Variants in RADX observed in about 807,000 individuals in gnomAD.
The protein encoded by RADX is RPA-related protein RADX.
In RADX, 36 loss-of-function variants were observed where a neutral mutation model predicts 61.6. The observed-to-expected ratio is 0.58, with a 90% confidence interval of 0.45 to 0.77. The LOEUF (loss-of-function observed/expected upper bound fraction) is 0.77, where lower values mean the gene tolerates loss of function less well. RADX is among the 30% of genes least tolerant of loss of function. The probability of loss-of-function intolerance (pLI) is 0.00; values close to 1 mark genes in which losing one functional copy is unlikely to be tolerated. For synonymous variants in RADX, 272 were observed against 237.9 expected (o/e 1.14, Z -1.32); for missense variants, 497 against 651.1 (o/e 0.76, Z 2.58).
intron 11 of RADX, among the ~76,000 whole-genome samples, chrX:106,649,948 A>T (rs1927754637): frequency 9.0e-6 from 1 of 111,669 alleles, no homozygotes; most frequent in Admixed American, 9.5e-5. Flanking sequence ...TAAATTTACT[A>T]GTGAGTAGGA....
rs749955891 is a variant in RADX at position 106,633,104 on chromosome X, T to A, written c.1181-26T>A. The A allele has an allele frequency of 1.9e-5, 22 of 1,184,934 alleles. No individual in the cohort carries two copies. The East Asian group carries it at 6.5e-4, about 35-fold the overall frequency. ...CATATGTATATAACAGTTACCTTCA[T>A]TTATTTTAATATTCTATCCATATAG... is the stretch of plus-strand genomic sequence containing the variant. On this transcript the variant is annotated intron_variant, in intron 5 of 13. Transcript: ENST00000372548.
chrX:106,674,717 T>G (rs1429820717), intron 13 of RADX, among the ~76,000 whole-genome samples: 1 of 111,941 alleles, frequency 8.9e-6, no homozygotes, highest in East Asian at 2.8e-4. Flanking sequence ...AATTTATTTT[T>G]GTGTAAAGAA....
chrX:106,640,781 C>T, intron 10 of RADX, 60 bp downstream of exon 10: 2 of 803,061 alleles, frequency 2.5e-6, no homozygotes, highest in South Asian at 3.9e-5. Flanking sequence ...TATCTCTACC[C>T]TGTAAAATAA....
intron 6 of RADX, among the ~76,000 whole-genome samples, chrX:106,634,320 G>A (rs1420252055): frequency 2.7e-5 from 3 of 110,952 alleles, no homozygotes; most frequent in Non-Finnish European, 5.7e-5. Flanking sequence ...ATTTTCAGTA[G>A]AGACGGGGTT....
intron 11 of RADX, among the ~76,000 whole-genome samples, chrX:106,649,686 A>G (rs1260596105): frequency 9.0e-6 from 1 of 111,524 alleles, no homozygotes; most frequent in East Asian, 2.8e-4. Flanking sequence ...TTTTGGAGAA[A>G]GCTCTTGTTC....
chrX:106,669,537 A>C (rs1458277556), intron 13 of RADX, among the ~76,000 whole-genome samples: 2 of 111,836 alleles, frequency 1.8e-5, no homozygotes, highest in Non-Finnish European at 3.8e-5. Flanking sequence ...CTAGGCTAGC[A>C]TTAAGAATAT....
At chrX:106,677,800 A>G (rs1928546033) in intron 13 of RADX, among the ~76,000 whole-genome samples, 1 of 111,107 alleles carries the variant, frequency 9.0e-6, no homozygotes, top group Non-Finnish European at 1.9e-5. Flanking sequence ...CCAATAAGCT[A>G]TTTATTTGGA....
chrX:106,622,701 A>C lies in RADX; in HGVS notation c.694A>C (p.Arg232=), dbSNP rs927057375. 8.4e-7 allele frequency: 1 copy of C among 1,193,103 alleles called. No individual in the cohort carries two copies. Among genetic ancestry groups the C allele is most frequent in the Non-Finnish European group, 1.1e-6 (1 of 882,968 alleles). The change falls in exon 2 of 14, where the codon AGA becomes CGA. Residue 232 remains arginine, a synonymous_variant. Transcript: ENST00000372548. ...SHLEMTWTNR[R]NFPALLVRIL... ...TCTTGAAATGACCTGGACTAACAGAAGAAATTTTCCTGCATTGCTTGTGAG... is the reference window on the plus strand; with the variant it reads ...TCTTGAAATGACCTGGACTAACAGACGAAATTTTCCTGCATTGCTTGTGAG...
intron 13 of RADX, among the ~76,000 whole-genome samples, chrX:106,670,138 A>T (rs1928329159): frequency 9.0e-6 from 1 of 111,016 alleles, no homozygotes. Context: ...GGGCAGTAAC[A>T]GTTGCTGCAA....
intron 10 of RADX, among the ~76,000 whole-genome samples, chrX:106,647,812 A>G (rs1927697758): frequency 9.0e-6 from 1 of 110,997 alleles, no homozygotes; most frequent in Admixed American, 9.6e-5. Flanking sequence ...TGTCTGTTAC[A>G]GAAATGTCAT....
At chrX:106,674,973 G>A (rs966218324) in intron 13 of RADX, among the ~76,000 whole-genome samples, 3 of 103,859 alleles carry the variant, frequency 2.9e-5, no homozygotes, top group African/African-American at 7.1e-5. Context: ...GCAGTGAGCC[G>A]AGATCTCACC....
At chrX:106,633,378 T>C (rs1387365848) in intron 6 of RADX, 126 bp downstream of exon 6, 4 of 510,826 alleles carry the variant, frequency 7.8e-6, no homozygotes, top group African/African-American at 7.2e-5. Context: ...TCTGACAGCA[T>C]GTTTAAATCT....
At chrX:106,638,125 C>T in intron 8 of RADX, 1 of 371,306 alleles carries the variant, frequency 2.7e-6, no homozygotes, top group Non-Finnish European at 4.7e-6. Flanking sequence ...CTATATCTCG[C>T]ATGGTGCTCT....
intron 11 of RADX, among the ~76,000 whole-genome samples, chrX:106,651,481 C>A (rs1927792213): frequency 9.1e-6 from 1 of 110,494 alleles, no homozygotes; most frequent in African/African-American, 3.3e-5. Flanking sequence ...AAAATCAAAC[C>A]AAAAGGAAAT....
At chrX:106,670,146 C>A (rs1025672133) in intron 13 of RADX, among the ~76,000 whole-genome samples, 3 of 110,108 alleles carry the variant, frequency 2.7e-5, no homozygotes, top group African/African-American at 1.0e-4. Flanking sequence ...ACAGTTGCTG[C>A]AAATTGAACT....
intron 10 of RADX, among the ~76,000 whole-genome samples, chrX:106,642,072 G>C (rs1034952736): frequency 1.0e-4 from 11 of 110,532 alleles, no homozygotes; most frequent in African/African-American, 3.3e-4. Flanking sequence ...ATAAGTAATA[G>C]GTAAAATTTT....
At chrX:106,628,105 G>A (rs952460145) in intron 3 of RADX, among the ~76,000 whole-genome samples, 1 of 111,306 alleles carries the variant, frequency 9.0e-6, no homozygotes, top group Non-Finnish European at 1.9e-5. Flanking sequence ...CAAAATGCTA[G>A]GATTACACGT....
chrX:106,633,501 C>A (rs1927287326), intron 6 of RADX, among the ~76,000 whole-genome samples: 1 of 111,450 alleles, frequency 9.0e-6, no homozygotes, highest in Non-Finnish European at 1.9e-5. Context: ...TATCAATTCT[C>A]ATTGTAAAAA....
At position 106,648,648 on chromosome X, in the gene RADX, G is replaced by T. The variant is rs750798660; in HGVS notation, c.1978+262G>T. On this transcript the variant is annotated intron_variant, in intron 11 of 13. Coordinates refer to ENST00000372548, the MANE Select transcript of RADX (RefSeq NM_018015.6). The stretch of plus-strand genomic sequence containing the variant: ...CTCTTCAAATGTACTATTTTTAATA[G>T]AAGAATAAGTAGGAAGTTTAATTTT... 1.4e-4 allele frequency among the ~76,000 whole-genome samples: 15 copies of T among 111,086 alleles called. No individual in the cohort carries two copies. The Admixed American group carries it at 1.4e-3, about 11-fold the overall frequency.
Sources: gnomAD v4.1 joint callset for allele counts (sites outside exome capture counted in the v4.1 genomes callset) on GRCh38, gnomAD v4.1.1 for gene constraint, MANE v1.5 for transcripts, NCBI Gene and HGNC (gene_info 2026-07-23, HGNC 2026-07-21) for gene names.